The following DENND1A variants were observed in gnomAD, a reference collection of about 807,000 sequenced individuals.
The protein encoded by DENND1A is DENN domain-containing protein 1A.
DENND1A carries 51 observed loss-of-function variants against 113.7 expected under a neutral mutation model. That is an observed-to-expected ratio of 0.45 (90% CI 0.36 to 0.57). The LOEUF (loss-of-function observed/expected upper bound fraction) is 0.57, where lower values mean the gene tolerates loss of function less well. DENND1A is among the 20% of genes least tolerant of loss of function. The probability of loss-of-function intolerance (pLI) is 0.00; values close to 1 mark genes in which losing one functional copy is unlikely to be tolerated. For missense variants in DENND1A, 1,258 were observed against 1,395.9 expected (o/e 0.90, Z 1.57); for synonymous variants, 565 against 570.8 (o/e 0.99, Z 0.14).
In DENND1A at chr9:123,540,708, A is replaced by C. The variant is rs181117668; in HGVS notation, c.993+16862T>G. Among the ~76,000 whole-genome samples, 246 of 152,358 alleles carry C rather than the reference A, an allele frequency of 1.6e-3. 1 individual carries two copies. Among genetic ancestry groups the C allele is most frequent in the Non-Finnish European group, 4.7e-4 (32 of 68,038 alleles). On this transcript the variant is annotated intron_variant, in intron 13 of 23. Coordinates refer to ENST00000394215, the MANE Select transcript of DENND1A (RefSeq NM_001352964.2). ...GTCTGTGAAACCAGAGAGACGAAAG[A>C]AACAGCTACATGCTGCTGACAGCAG... is the stretch of plus-strand genomic sequence containing the variant.
At chr9:123,635,830 C>T (rs1213293246) in intron 9 of DENND1A, among the ~76,000 whole-genome samples, 1 of 152,118 alleles carries the variant, frequency 6.6e-6, no homozygotes, top group Admixed American at 6.5e-5. Context: ...TGCTTTTTGT[C>T]GTGTTCCCTT....
chr9:123,778,255 C>A (rs1481047399), intron 3 of DENND1A, among the ~76,000 whole-genome samples: 1 of 152,146 alleles, frequency 6.6e-6, no homozygotes, highest in East Asian at 1.9e-4. Context: ...TAGTGTTTAC[C>A]TGAGGCTGCC....
Position 123,450,730 on chromosome 9 carries a change from A to G in DENND1A, c.1319T>C (p.Met440Thr). 1 of 1,610,852 alleles carries G rather than the reference A, an allele frequency of 6.2e-7. No homozygotes were observed. Among genetic ancestry groups the G allele is most frequent in the East Asian group, 2.2e-5 (1 of 44,754 alleles). The change falls in exon 18 of 24, where the codon ATG (methionine) becomes ACG (threonine). Residue 440 changes from methionine (M) to threonine (T), a missense_variant. By Grantham distance (81) the Met-to-Thr change is moderately conservative. Coordinates refer to ENST00000394215, the MANE Select transcript of DENND1A (RefSeq NM_001352964.2). ...GCGGTTTTTCACCTCTTTTATTCCC[A>G]TTTTTGCATGATCTTTTGCCTGCAT... The part of the protein sequence containing the change: ...VYKFAKDHAK[M>T]GIKEVKNRLK...
intron 13 of DENND1A, among the ~76,000 whole-genome samples, chr9:123,479,163 T>C (rs2050139862): frequency 6.6e-6 from 1 of 152,176 alleles, no homozygotes; most frequent in Admixed American, 6.5e-5. Context: ...CCAGGCAACT[T>C]GCCCAAGTCC....
At position 123,517,509 on chromosome 9, in the gene DENND1A, T is replaced by C. The variant is rs181332422; in HGVS notation, c.993+40061A>G. Among the ~76,000 whole-genome samples, 17 of 150,372 alleles carry C rather than the reference T, an allele frequency of 1.1e-4. No homozygotes were observed. The East Asian group carries it at 3.0e-3, about 26-fold the overall frequency. On this transcript the variant is annotated intron_variant, in intron 13 of 23. Coordinates refer to ENST00000394215, the MANE Select transcript of DENND1A (RefSeq NM_001352964.2). Reference sequence around the variant, plus strand: ...GGTGGTGCGCCTGAATTCCCAGTTATTTGGGAGGCTGAGACAGGAGAATTG... The same window carrying C: ...GGTGGTGCGCCTGAATTCCCAGTTACTTGGGAGGCTGAGACAGGAGAATTG...
At chr9:123,716,117 C>T (rs569855780) in intron 5 of DENND1A, among the ~76,000 whole-genome samples, 4 of 152,272 alleles carry the variant, frequency 2.6e-5, no homozygotes, top group East Asian at 3.9e-4. Flanking sequence ...TAAATTTTCA[C>T]CTGTTCCTTT....
intron 13 of DENND1A, among the ~76,000 whole-genome samples, chr9:123,522,063 G>A (rs2054440314): frequency 2.0e-5 from 3 of 152,194 alleles, no homozygotes; most frequent in Admixed American, 1.3e-4. Flanking sequence ...CATGGCAGGA[G>A]GGCACAGGAA....
rs770282856 is a variant in DENND1A at position 123,757,767 on chromosome 9, T to C, written c.238A>G (p.Ser80Gly). 1.2e-6 allele frequency: 2 copies of C among 1,614,120 alleles called. No individual in the cohort carries two copies. Among genetic ancestry groups the C allele is most frequent in the African/African-American group, 1.3e-5 (1 of 75,056 alleles). ...NFTFVLTDID[S>G]KQRFGFCRLS... ...CGGCAGAACCCGAATCTCTGTTTGC[T>C]GTCAATGTCAGTGAGCACGAATGTG... The change falls in exon 5 of 24, where the codon AGC becomes GGC. Residue 80 changes from serine (S) to glycine (G), a missense_variant. Transcript: ENST00000394215.
At chr9:123,566,542 A>G (rs752881208) in intron 12 of DENND1A, among the ~76,000 whole-genome samples, 4 of 152,208 alleles carry the variant, frequency 2.6e-5, no homozygotes, top group Non-Finnish European at 4.4e-5. Flanking sequence ...ATCAATTATC[A>G]TTATGTGAAT....
chr9:123,863,177 G>A (rs1033398002), intron 2 of DENND1A, among the ~76,000 whole-genome samples: 3 of 152,148 alleles, frequency 2.0e-5, no homozygotes, highest in Admixed American at 1.3e-4. Flanking sequence ...TGTCCAGTTT[G>A]CTTACTTTGA....
Position 123,753,896 on chromosome 9 carries a change from G to A in DENND1A, c.302+3807C>T, listed in dbSNP as rs184686761. Reference sequence around the variant, plus strand: ...GCAGAGGTGCCTAGGCTGAGTCTGGGAGGATGGGTAAACATGTGAAAGCAG... The same window carrying A: ...GCAGAGGTGCCTAGGCTGAGTCTGGAAGGATGGGTAAACATGTGAAAGCAG... On this transcript the variant is annotated intron_variant, in intron 5 of 23. Coordinates refer to ENST00000394215, the MANE Select transcript of DENND1A (RefSeq NM_001352964.2). Among the ~76,000 whole-genome samples the A allele has an allele frequency of 7.1e-4, 108 of 152,332 alleles. 1 individual carries two copies. The highest frequency in any genetic ancestry group is 6.9e-3 in the Admixed American group (105 of 15,306).
chr9:123,460,991 G>A (rs1022537687), intron 13 of DENND1A, among the ~76,000 whole-genome samples: 2 of 152,238 alleles, frequency 1.3e-5, no homozygotes, highest in African/African-American at 4.8e-5. Context: ...AGGAAAGGGA[G>A]AGCTCCTTAA....
chr9:123,694,204 G>A (rs1332797373), intron 5 of DENND1A, among the ~76,000 whole-genome samples: 1 of 152,122 alleles, frequency 6.6e-6, no homozygotes, highest in Non-Finnish European at 1.5e-5. Context: ...AACCAAGTCT[G>A]TCTATGTATG....
At chr9:123,672,038 G>A (rs1364297728) in intron 6 of DENND1A, among the ~76,000 whole-genome samples, 1 of 152,158 alleles carries the variant, frequency 6.6e-6, no homozygotes, top group Non-Finnish European at 1.5e-5. Context: ...TGCTAATACT[G>A]ATAAGTGTAT....
intron 13 of DENND1A, among the ~76,000 whole-genome samples, chr9:123,510,644 T>G (rs984810336): frequency 2.0e-5 from 3 of 152,138 alleles, no homozygotes; most frequent in Non-Finnish European, 2.9e-5. Context: ...CCACAGGCCA[T>G]CCCCTGCCAT....
intron 21 of DENND1A, among the ~76,000 whole-genome samples, chr9:123,391,487 C>T (rs2042841011): frequency 6.6e-6 from 1 of 152,184 alleles, no homozygotes; most frequent in African/African-American, 2.4e-5. Flanking sequence ...CACACAGCAG[C>T]TAAAGGTAGA....
chr9:123,835,151 CGGTGAACTAATCAGGACAAT>C (rs1161019985), intron 2 of DENND1A, among the ~76,000 whole-genome samples: 4 of 150,848 alleles, frequency 2.7e-5, no homozygotes, highest in Non-Finnish European at 5.9e-5. Flanking sequence ...CTATTATACT[CGGTGAACTAATCAGGACAAT>C]GAAACCAAAT....
At chr9:123,695,023 G>T (rs994123298) in intron 5 of DENND1A, among the ~76,000 whole-genome samples, 1 of 152,116 alleles carries the variant, frequency 6.6e-6, no homozygotes, top group African/African-American at 2.4e-5. Context: ...AACATGAAAA[G>T]GAGAGAGAGA....
chr9:123,825,334 A>C (rs911084056), intron 2 of DENND1A, among the ~76,000 whole-genome samples: 14 of 151,948 alleles, frequency 9.2e-5, no homozygotes, highest in African/African-American at 3.4e-4. Flanking sequence ...AAAAAGAAAG[A>C]AAAGAAAAAA....
Sources: gnomAD v4.1 joint callset for allele counts (sites outside exome capture counted in the v4.1 genomes callset) on GRCh38, gnomAD v4.1.1 for gene constraint, MANE v1.5 for transcripts, NCBI Gene and HGNC (gene_info 2026-07-23, HGNC 2026-07-21) for gene names.